ECE1: variants seen among roughly 807,000 people sequenced by gnomAD.
ECE1 encodes the protein endothelin converting enzyme 1.
ECE1 carries 35 observed loss-of-function variants against 98.6 expected under a neutral mutation model. That is an observed-to-expected ratio of 0.35 (90% CI 0.27 to 0.47). The LOEUF (loss-of-function observed/expected upper bound fraction) is 0.47. Among genes scored for constraint, ECE1 ranks in the 20% least tolerant of loss-of-function variants. The pLI, the probability that ECE1 is intolerant of heterozygous loss-of-function variation, is 1.00. For missense variants in ECE1, 814 were observed against 1,025.3 expected (o/e 0.79, Z 2.81); for synonymous variants, 394 against 407.1 (o/e 0.97, Z 0.39).
intron 2 of ECE1, among the ~76,000 whole-genome samples, chr1:21,280,669 C>T (rs535942171): frequency 3.7e-4 from 57 of 152,298 alleles, no homozygotes; most frequent in African/African-American, 1.1e-3. Flanking sequence ...TGACCTGCAA[C>T]GGCCCCACCA....
At position 21,299,178 on chromosome 1, in the gene ECE1, T is replaced by A. The variant is rs1638432839; in HGVS notation, c.4-9022A>T. On this transcript the variant is annotated intron_variant, in intron 1 of 18. Transcript: ENST00000415912. ...TTGTGCTCAACCAGGAAGCAGCTCATGGAGTCAGTTGTAATTAGTATTTGT... is the reference window on the plus strand; with the variant it reads ...TTGTGCTCAACCAGGAAGCAGCTCAAGGAGTCAGTTGTAATTAGTATTTGT... 6 of 250,756 alleles carry A rather than the reference T, an allele frequency of 2.4e-5. No individual in the cohort carries two copies. The South Asian group carries it at 2.7e-4, about 11-fold the overall frequency. The allele number at this position is 250,756 out of a possible 1,614,324, so 15.5% of individuals were successfully genotyped here.
intron 4 of ECE1, among the ~76,000 whole-genome samples, chr1:21,271,358 G>T (rs2098240026): frequency 6.6e-6 from 1 of 152,188 alleles, no homozygotes; most frequent in African/African-American, 2.4e-5. Flanking sequence ...ATTGTTAATT[G>T]TCCATTTAGA....
chr1:21,259,508 C>A (rs2098224069), intron 5 of ECE1, among the ~76,000 whole-genome samples: 1 of 152,128 alleles, frequency 6.6e-6, no homozygotes, highest in East Asian at 1.9e-4. Context: ...TCAAGTGATC[C>A]TCCTGCCTCA....
At position 21,290,054 on chromosome 1, in the gene ECE1, A is replaced by G. The variant is rs2098264959; in HGVS notation, c.138+16T>C. 6 of 1,326,538 alleles carry G rather than the reference A, an allele frequency of 4.5e-6. No homozygotes were observed. In the East Asian group the frequency reaches 1.5e-4, roughly 33 times the overall value. 82.2% of individuals were successfully genotyped at this position (1,326,538 alleles called of 1,614,324 possible). On this transcript the variant is annotated intron_variant, in intron 2 of 18. Coordinates refer to ENST00000374893, the MANE Select transcript of ECE1 (RefSeq NM_001397.3). The surrounding 1 kb of genome is among the most constrained non-coding windows in gnomAD (Gnocchi z 7.3). Reference sequence around the variant, plus strand: ...CCGGGGCGCCTGGACCTCGGGAGGGAGCGGAGGGCGCCTACCTGCAGGCCG... The same window carrying G: ...CCGGGGCGCCTGGACCTCGGGAGGGGGCGGAGGGCGCCTACCTGCAGGCCG...
intron 4 of ECE1, among the ~76,000 whole-genome samples, chr1:21,262,760 A>G (rs1225296337): frequency 6.6e-6 from 1 of 152,230 alleles, no homozygotes; most frequent in Non-Finnish European, 1.5e-5. Context: ...CTTCAGACAC[A>G]GCCTCCCTTG....
chr1:21,290,052 G>C lies in ECE1; in HGVS notation c.138+18C>G, dbSNP rs776450133. 1 of 1,446,628 alleles carries C rather than the reference G, an allele frequency of 6.9e-7. No individual in the cohort carries two copies. 89.6% of individuals were successfully genotyped at this position (1,446,628 alleles called of 1,614,324 possible). A position where few individuals can be genotyped will look rare whatever the true frequency, so the allele number is the denominator to read the frequency against. ...GCCCGGGGCGCCTGGACCTCGGGAG[G>C]GAGCGGAGGGCGCCTACCTGCAGGC... On this transcript the variant is annotated intron_variant, in intron 2 of 18. Transcript: ENST00000374893. This position sits in a 1 kb window ranked among gnomAD's most constrained non-coding sequence, Gnocchi z 7.3.
In ECE1 at chr1:21,264,071, AG is replaced by A. The variant is rs753579230; in HGVS notation, c.494-3680del. 1.7e-4 allele frequency among the ~76,000 whole-genome samples: 26 copies of A among 152,076 alleles called. 1 individual carries two copies. Among genetic ancestry groups the A allele is most frequent in the Non-Finnish European group, 3.7e-4 (25 of 68,006 alleles). Reference sequence around the variant, plus strand: ...TGAGAGAAAGGAGAGTCAAGAATGGAGTCAAGTTTCTTTGGCCTGAGTGAGA... The same window carrying A: ...TGAGAGAAAGGAGAGTCAAGAATGGATCAAGTTTCTTTGGCCTGAGTGAGA... On this transcript the variant is annotated intron_variant, in intron 4 of 18. Coordinates refer to ENST00000374893, the MANE Select transcript of ECE1 (RefSeq NM_001397.3).
chr1:21,269,271 T>A (rs973457588), intron 4 of ECE1, among the ~76,000 whole-genome samples: 2 of 152,216 alleles, frequency 1.3e-5, no homozygotes, highest in Non-Finnish European at 2.9e-5. Flanking sequence ...ATGAGTCTCA[T>A]CTGTAAAATG....
In ECE1 at chr1:21,233,427, T is replaced by C. The variant is rs2098184211; in HGVS notation, c.1670+131A>G. Reference sequence around the variant, plus strand: ...TCTGAAAAGTGGGATAACAAGGGCATCCACTCTTCAGACGGCTCTCGTGAT... The same window carrying C: ...TCTGAAAAGTGGGATAACAAGGGCACCCACTCTTCAGACGGCTCTCGTGAT... On this transcript the variant is annotated intron_variant, in intron 14 of 18. Transcript: ENST00000374893. The surrounding 1 kb of genome is among the most constrained non-coding windows in gnomAD (Gnocchi z 4.0). 1 of 750,924 alleles carries C rather than the reference T, an allele frequency of 1.3e-6. No homozygotes were observed. Among genetic ancestry groups the C allele is most frequent in the Non-Finnish European group, 2.2e-6 (1 of 458,906 alleles). The allele number at this position is 750,924 out of a possible 1,614,324, so 46.5% of individuals were successfully genotyped here.
intron 1 of ECE1, among the ~76,000 whole-genome samples, chr1:21,338,799 G>A (rs1432905127): frequency 6.6e-6 from 1 of 152,236 alleles, no homozygotes; most frequent in African/African-American, 2.4e-5. Context: ...ATGGGCAGCT[G>A]GAGGGAGTCA....
rs11293119 is a variant in ECE1, at chr1:21,225,695, C to CTTTT, written c.1850-259_1850-256dup. Among the ~76,000 whole-genome samples the CTTTT allele has an allele frequency of 1.5e-5, 2 of 137,308 alleles. No homozygotes were observed. Among genetic ancestry groups the CTTTT allele is most frequent in the African/African-American group, 5.4e-5 (2 of 37,152 alleles). The allele number at this position is 137,308 out of a possible 152,430, so 90.1% of individuals were successfully genotyped here. The stretch of plus-strand genomic sequence containing the variant: ...CAGTGGGGCTTGCTTTGTTTTCTTT[C>CTTTT]TTTTTTTTTTTTTTTTGAGACAGTC... On this transcript the variant is annotated intron_variant, in intron 16 of 18. Coordinates refer to ENST00000374893, the MANE Select transcript of ECE1 (RefSeq NM_001397.3). This position sits in a 1 kb window ranked among gnomAD's most constrained non-coding sequence, Gnocchi z 5.3.
upstream of ECE1, among the ~76,000 whole-genome samples, chr1:21,291,246 G>C (rs1405126211): frequency 6.6e-6 from 1 of 152,184 alleles, no homozygotes; most frequent in Non-Finnish European, 1.5e-5. Context: ...TCCCAACCAA[G>C]AACCCCAGAG....
intron 7 of ECE1, 40 bp downstream of exon 7, chr1:21,257,485 C>G: frequency 1.2e-6 from 2 of 1,610,044 alleles, no homozygotes; most frequent in Non-Finnish European, 1.7e-6. Context: ...CAGGAAGGAC[C>G]GTGCTGGGAG....
intron 1 of ECE1, among the ~76,000 whole-genome samples, chr1:21,336,013 T>G (rs1249193500): frequency 6.6e-6 from 1 of 152,186 alleles, no homozygotes; most frequent in East Asian, 1.9e-4. Flanking sequence ...TGCCAGGCCC[T>G]GGGGGCAGGG....
Position 21,238,200 on chromosome 1 carries a change from G to GT in ECE1, c.1322dup (p.Asn441LysfsTer32). 6.2e-7 allele frequency: 1 copy of GT among 1,614,278 alleles called. No individual in the cohort carries two copies. Among genetic ancestry groups the GT allele is most frequent in the South Asian group, 1.1e-5 (1 of 91,090 alleles). ...TGGGGCCCAACGCAAAGCCCAGGTT[G>GT]TTTTCTGTGTCACTCACGCAAAACT... On this transcript the variant is annotated frameshift_variant, in exon 11 of 19. Coordinates refer to ENST00000374893, the MANE Select transcript of ECE1 (RefSeq NM_001397.3). LOFTEE classifies it high-confidence loss of function.
At chr1:21,312,190 C>T (rs1638740973) in intron 1 of ECE1, among the ~76,000 whole-genome samples, 1 of 150,042 alleles carries the variant, frequency 6.7e-6, no homozygotes, top group Non-Finnish European at 1.5e-5. Flanking sequence ...ATCGTCCTAG[C>T]TACTCAGGAG....
At position 21,233,287 on chromosome 1, in the gene ECE1, G is replaced by GGT. The variant is rs2098184072; in HGVS notation, c.1670+269_1670+270dup. 4.9e-6 allele frequency: 2 copies of GGT among 411,876 alleles called. No homozygotes were observed. The highest frequency in any genetic ancestry group is 9.0e-6 in the Non-Finnish European group (2 of 221,560). 25.5% of individuals were successfully genotyped at this position (411,876 alleles called of 1,614,324 possible). A position where few individuals can be genotyped will look rare whatever the true frequency, so the allele number is the denominator to read the frequency against. The stretch of plus-strand genomic sequence containing the variant: ...TCCCAAAGCAGTGGAGCGGAGACAA[G>GGT]GTGCCAGATCGGCTCCGCTCCAGAG... On this transcript the variant is annotated intron_variant, in intron 14 of 18. Coordinates refer to ENST00000374893, the MANE Select transcript of ECE1 (RefSeq NM_001397.3). This position sits in a 1 kb window ranked among gnomAD's most constrained non-coding sequence, Gnocchi z 4.0.
intron 10 of ECE1, among the ~76,000 whole-genome samples, chr1:21,240,649 C>T (rs944656584): frequency 8.5e-5 from 13 of 152,378 alleles, no homozygotes; most frequent in African/African-American, 1.9e-4. Context: ...TTCCCAACTA[C>T]GTGTCCATTT....
intron 1 of ECE1, among the ~76,000 whole-genome samples, chr1:21,321,156 G>A (rs1040428091): frequency 6.6e-6 from 1 of 152,180 alleles, no homozygotes; most frequent in East Asian, 1.9e-4. Flanking sequence ...AGTGCGTGGC[G>A]GAGCTGGGGA....
Sources: gnomAD v4.1 joint callset for allele counts (sites outside exome capture counted in the v4.1 genomes callset) on GRCh38, gnomAD v4.1.1 for gene constraint, Gnocchi (gnomAD v3.1) non-coding constraint, MANE v1.5 for transcripts, NCBI Gene and HGNC (gene_info 2026-07-23, HGNC 2026-07-21) for gene names.